SYT2: variants seen among roughly 807,000 people sequenced by gnomAD.
SYT2 encodes the protein synaptotagmin 2.
In SYT2, 15 loss-of-function variants were observed where a neutral mutation model predicts 39.9. That is an observed-to-expected ratio of 0.38 (90% CI 0.25 to 0.58). The LOEUF (loss-of-function observed/expected upper bound fraction) is 0.58. SYT2 is among the 20% of genes least tolerant of loss of function. The pLI is 0.70. For missense variants in SYT2, 389 were observed against 530.3 expected (o/e 0.73, Z 2.62); for synonymous variants, 181 against 204.5 (o/e 0.89, Z 0.98).
intron 1 of SYT2, among the ~76,000 whole-genome samples, chr1:202,707,997 C>T (rs1047038104): frequency 6.6e-6 from 1 of 152,190 alleles, no homozygotes; most frequent in Non-Finnish European, 1.5e-5. Context: ...AATGTGAGGG[C>T]AGGTGAGCCC....
At chr1:202,606,222 A>G (rs796555272) in intron 1 of SYT2, among the ~76,000 whole-genome samples, 5 of 152,336 alleles carry the variant, frequency 3.3e-5, no homozygotes, top group African/African-American at 1.2e-4. Flanking sequence ...CAGATGGGGA[A>G]ACAGGTTCAG....
chr1:202,639,193 G>A (rs1691832092), intron 1 of SYT2, among the ~76,000 whole-genome samples: 1 of 152,066 alleles, frequency 6.6e-6, no homozygotes, highest in Non-Finnish European at 1.5e-5. Context: ...TAATTTTCTT[G>A]GGCTTCCGTG....
At chr1:202,674,828 C>T (rs576451966) in intron 1 of SYT2, among the ~76,000 whole-genome samples, 55 of 152,294 alleles carry the variant, frequency 3.6e-4, no homozygotes, top group Non-Finnish European at 6.8e-4. Context: ...CACATGTCCC[C>T]TCCAGACACC....
intron 1 of SYT2, among the ~76,000 whole-genome samples, chr1:202,633,489 CCATCTT>C (rs1219520662): frequency 5.9e-5 from 9 of 152,124 alleles, no homozygotes; most frequent in Non-Finnish European, 1.5e-5. Context: ...TCCCCTCTCC[CCATCTT>C]CATCCCACTC....
rs1173716997 is a variant in SYT2, at chr1:202,590,984, A to G, written c.*5773T>C. On this transcript the variant is annotated 3_prime_UTR_variant, in exon 9 of 9. Transcript: ENST00000367268. ...TGGAGGAACTCCTGGTGCCCCATGC[A>G]CACTGCTCCCATCACCTCACCAGAC... 1 of 152,300 alleles carries G rather than the reference A, an allele frequency of 6.6e-6. No individual in the cohort carries two copies. The highest frequency in any genetic ancestry group is 1.9e-4 in the East Asian group (1 of 5,182). 9.4% of individuals were successfully genotyped at this position (152,300 alleles called of 1,614,324 possible).
intron 1 of SYT2, among the ~76,000 whole-genome samples, chr1:202,650,272 C>A (rs1692165291): frequency 6.6e-6 from 1 of 152,168 alleles, no homozygotes; most frequent in Non-Finnish European, 1.5e-5. Context: ...GCCGGGGTGT[C>A]CAGCCTGCCT....
At position 202,605,597 on chromosome 1, in the gene SYT2, G is replaced by T; in HGVS notation, c.176C>A (p.Pro59His). ...EKLFNEINKI[P>H]LPPWALIAIA... is the part of the protein sequence containing the mutation. ...TCTCAGCCACCAGAGACACTCACAGGGAATCTTGTTTATCTCATTGAATAA... is the reference window on the plus strand; with the variant it reads ...TCTCAGCCACCAGAGACACTCACAGTGAATCTTGTTTATCTCATTGAATAA... Residue 59 changes from proline to histidine, a missense_variant and splice_region_variant, in exon 2 of 9, where the codon CCC becomes CAC. Pro to His is a moderately conservative substitution (Grantham distance 77). Around this residue, in one of 4 missense-constraint regions of SYT2, gnomAD observed 280 missense variants for 335.6 expected, o/e 0.83. Coordinates refer to ENST00000367268, the MANE Select transcript of SYT2 (RefSeq NM_177402.5). 1 of 1,613,412 alleles carries T rather than the reference G, an allele frequency of 6.2e-7. No individual in the cohort carries two copies. Among genetic ancestry groups the T allele is most frequent in the East Asian group, 2.2e-5 (1 of 44,880 alleles).
chr1:202,634,685 A>G (rs932107234), intron 1 of SYT2, among the ~76,000 whole-genome samples: 3 of 152,272 alleles, frequency 2.0e-5, no homozygotes, highest in African/African-American at 7.2e-5. Context: ...ACACAATGGA[A>G]TGTTATTTGG....
rs765346301 is a variant in SYT2, at chr1:202,689,111, G to A, written c.-18+21147C>T. Among the ~76,000 whole-genome samples, 4 of 152,256 alleles carry A rather than the reference G, an allele frequency of 2.6e-5. No homozygotes were observed. In the South Asian group the frequency reaches 6.2e-4, roughly 24 times the overall value. ...TACTGGATCTGATCTATAAGGGAAG[G>A]GATCGCTCTCCTCCCTGCTGAGCTG... On this transcript the variant is annotated intron_variant, in intron 1 of 8. Transcript: ENST00000367268.
At chr1:202,613,205 C>G (rs1240038530) in intron 1 of SYT2, among the ~76,000 whole-genome samples, 4 of 150,300 alleles carry the variant, frequency 2.7e-5, no homozygotes, top group African/African-American at 9.8e-5. Context: ...CTCAACCTCT[C>G]TAGTAGCTGG....
At chr1:202,648,278 T>C (rs754097267) in intron 1 of SYT2, among the ~76,000 whole-genome samples, 2 of 152,076 alleles carry the variant, frequency 1.3e-5, no homozygotes, top group African/African-American at 4.8e-5. Flanking sequence ...CCTCCCAGGT[T>C]CAAGAGATTC....
intron 1 of SYT2, among the ~76,000 whole-genome samples, chr1:202,644,177 A>C (rs1376594305): frequency 2.0e-5 from 3 of 151,916 alleles, no homozygotes; most frequent in Non-Finnish European, 4.4e-5. Flanking sequence ...AGGGCTCTTC[A>C]CGGGCCACTT....
chr1:202,699,524 C>A (rs1654059696), intron 1 of SYT2, among the ~76,000 whole-genome samples: 1 of 152,176 alleles, frequency 6.6e-6, no homozygotes, highest in Admixed American at 6.5e-5. Flanking sequence ...GCAGTGTCAC[C>A]TTGAGGACAT....
At chr1:202,669,350 C>T (rs961557494) in intron 1 of SYT2, among the ~76,000 whole-genome samples, 1 of 151,166 alleles carries the variant, frequency 6.6e-6, no homozygotes, top group Non-Finnish European at 1.5e-5. Context: ...GAGACCTTGT[C>T]TGTACAAAAA....
intron 1 of SYT2, among the ~76,000 whole-genome samples, chr1:202,688,823 G>A (rs936793437): frequency 3.3e-5 from 5 of 152,224 alleles, no homozygotes; most frequent in South Asian, 2.1e-4. Context: ...CATGGTCTGA[G>A]TTGAGTTTTC....
chr1:202,703,057 T>G (rs1472156153), intron 1 of SYT2, among the ~76,000 whole-genome samples: 1 of 152,340 alleles, frequency 6.6e-6, no homozygotes, highest in East Asian at 1.9e-4. Context: ...AGGAAGGACA[T>G]GCACAACACA....
chr1:202,596,747 C>G lies in SYT2; in HGVS notation c.*10G>C, dbSNP rs766721785. 12 of 1,610,488 alleles carry G rather than the reference C, an allele frequency of 7.5e-6. No homozygotes were observed. The South Asian group carries it at 1.3e-4, about 18-fold the overall frequency. On this transcript the variant is annotated 3_prime_UTR_variant, in exon 9 of 9. Coordinates refer to ENST00000367268, the MANE Select transcript of SYT2 (RefSeq NM_177402.5). ...GTCCGTGAAAGGTGTGGGGTCCCAG[C>G]CGCTGCTGTCTACTTGTTCTTGCCC... is the stretch of plus-strand genomic sequence containing the variant.
At chr1:202,629,705 C>CA (rs1237606022) in intron 1 of SYT2, among the ~76,000 whole-genome samples, 1 of 152,070 alleles carries the variant, frequency 6.6e-6, no homozygotes, top group African/African-American at 2.4e-5. Context: ...CCCATCTCTA[C>CA]AAAAAATTTT....
At chr1:202,680,147 C>G (rs945804889) in intron 1 of SYT2, among the ~76,000 whole-genome samples, 1 of 152,198 alleles carries the variant, frequency 6.6e-6, no homozygotes, top group African/African-American at 2.4e-5. Flanking sequence ...CAGAGCCCAG[C>G]ACAGGCCTGC....
Sources: gnomAD v4.1 joint callset for allele counts (sites outside exome capture counted in the v4.1 genomes callset) on GRCh38, gnomAD v4.1.1 for gene constraint, gnomAD v4.1.1 regional missense constraint, MANE v1.5 for transcripts, NCBI Gene and HGNC (gene_info 2026-07-23, HGNC 2026-07-21) for gene names.